The following ITPRID1 variants were observed in gnomAD, a reference collection of about 807,000 sequenced individuals.
ITPRID1 encodes the protein ITPR interacting domain containing 1.
A neutral mutation model predicts 95.4 loss-of-function variants in ITPRID1; 96 were observed. That is an observed-to-expected ratio of 1.01 (90% CI 0.85 to 1.19). The LOEUF (loss-of-function observed/expected upper bound fraction) is 1.19, where lower values mean the gene tolerates loss of function less well. ITPRID1 is among the 50% of genes most tolerant of loss of function. The pLI, the probability that ITPRID1 is intolerant of heterozygous loss-of-function variation, is 0.00. For missense variants in ITPRID1, 1,339 were observed against 1,252.9 expected, an observed-to-expected ratio of 1.07 and a Z score of -1.04; for synonymous variants, 510 against 453.6, an observed-to-expected ratio of 1.12 and a Z score of -1.58.
intron 5 of ITPRID1, among the ~76,000 whole-genome samples, chr7:31,567,412 A>G (rs1465146688): frequency 6.6e-6 from 1 of 152,202 alleles, no homozygotes; most frequent in Non-Finnish European, 1.5e-5. Context: ...TTATGTGATA[A>G]TTCCAATCAG....
At position 31,583,147 on chromosome 7, in the gene ITPRID1, A is replaced by G; in HGVS notation, c.1184A>G (p.Glu395Gly). 6.2e-7 allele frequency: 1 copy of G among 1,611,422 alleles called. No homozygotes were observed. Among genetic ancestry groups the G allele is most frequent in the Non-Finnish European group, 8.5e-7 (1 of 1,177,948 alleles). Residue 395 changes from glutamate to glycine, a missense_variant, in exon 10 of 15, where the codon GAA becomes GGA. Physicochemically the swap from Glu to Gly is moderately conservative, Grantham distance 98. Transcript: ENST00000615280. ...SFEMEEVQSF[E>G]EETGNPLDMT... is the part of the protein sequence containing the mutation. ...TTGATATCTTAGGTCCAAAGCTTTG[A>G]AGAAGAGACTGGTAATCCTCTTGAC...
chr7:31,528,139 A>G (rs1783481698), intron 1 of ITPRID1, among the ~76,000 whole-genome samples: 1 of 152,184 alleles, frequency 6.6e-6, no homozygotes, highest in Non-Finnish European at 1.5e-5. Context: ...ATAGGGTCCT[A>G]TTCTCCTAAT....
At chr7:31,546,136 G>T (rs1468575760) in intron 1 of ITPRID1, among the ~76,000 whole-genome samples, 1 of 152,042 alleles carries the variant, frequency 6.6e-6, no homozygotes, top group Non-Finnish European at 1.5e-5. Context: ...TATGCAAAAA[G>T]AAATTACATT....
chr7:31,620,777 C>T (rs560894882), intron 10 of ITPRID1, among the ~76,000 whole-genome samples: 13 of 152,084 alleles, frequency 8.5e-5, no homozygotes, highest in Admixed American at 1.3e-4. Flanking sequence ...TTTGAGGAGG[C>T]GAGAGAAGAA....
Position 31,652,786 on chromosome 7 carries a change from C to G in ITPRID1, c.3092C>G (p.Ser1031Ter). ...GCAAAGTTAGGTCCAACCCCTTTGTCAAATTGTCCTGTTGGAGAAAAGGAT... is the reference window on the plus strand; with the variant it reads ...GCAAAGTTAGGTCCAACCCCTTTGTGAAATTGTCCTGTTGGAGAAAAGGAT... ...AWAKLGPTPLSNCPVGEKDAD... is the reference protein window; with the variant it reads ...AWAKLGPTPL Residue 1031 changes from serine (S) to a stop codon, truncating the protein, a stop_gained, in exon 15 of 15, where the codon TCA (serine) becomes TGA (stop). Coordinates refer to ENST00000615280, the MANE Select transcript of ITPRID1 (RefSeq NM_001257967.3). LOFTEE classifies it low-confidence loss of function (END_TRUNC). 6.2e-7 allele frequency: 1 copy of G among 1,613,750 alleles called. No homozygotes were observed. The highest frequency in any genetic ancestry group is 2.2e-5 in the East Asian group (1 of 44,838).
intron 10 of ITPRID1, among the ~76,000 whole-genome samples, chr7:31,610,264 T>G (rs1228092379): frequency 6.6e-6 from 1 of 151,486 alleles, no homozygotes; most frequent in Non-Finnish European, 1.5e-5. Context: ...TAGATATTAT[T>G]TTTTTAGGTG....
Position 31,574,595 on chromosome 7 carries a change from C to A in ITPRID1, c.451C>A (p.Leu151Met). Residue 151 changes from leucine to methionine, a missense_variant, in exon 8 of 15, where the codon CTG becomes ATG. By Grantham distance (15) the Leu-to-Met change is conservative. Coordinates refer to ENST00000615280, the MANE Select transcript of ITPRID1 (RefSeq NM_001257967.3). ...EIDPVEILLDLGFGADEPDIC... is the reference protein window; with the variant it reads ...EIDPVEILLDMGFGADEPDIC... Reference sequence around the variant, plus strand: ...AGATCCAGTGGAGATTCTCTTGGATCTGGGGTTTGGTGCTGATGAGCCAGA... The same window carrying A: ...AGATCCAGTGGAGATTCTCTTGGATATGGGGTTTGGTGCTGATGAGCCAGA... 1.2e-6 allele frequency: 2 copies of A among 1,613,890 alleles called. No individual in the cohort carries two copies. Among genetic ancestry groups the A allele is most frequent in the Non-Finnish European group, 1.7e-6 (2 of 1,179,836 alleles).
chr7:31,585,834 CTTT>C (rs561345517), intron 10 of ITPRID1, among the ~76,000 whole-genome samples: 1 of 149,628 alleles, frequency 6.7e-6, no homozygotes, highest in Non-Finnish European at 1.5e-5. Context: ...CATGACAAAT[CTTT>C]TTTTTTTATT....
chr7:31,533,785 G>A lies in ITPRID1; in HGVS notation c.-97-15641G>A, dbSNP rs78439608. On this transcript the variant is annotated intron_variant, in intron 1 of 14. Coordinates refer to ENST00000615280, the MANE Select transcript of ITPRID1 (RefSeq NM_001257967.3). ...TGAGCATTTTTTAGGTACATTAAGT[G>A]TTCCTAATTTAATGTATCTGAATAC... Among the ~76,000 whole-genome samples, 38 of 152,236 alleles carry A rather than the reference G, an allele frequency of 2.5e-4. No individual in the cohort carries two copies. In the East Asian group the frequency reaches 2.7e-3, roughly 11 times the overall value.
intron 10 of ITPRID1, among the ~76,000 whole-genome samples, chr7:31,620,631 A>C (rs895920131): frequency 1.1e-4 from 16 of 150,584 alleles, no homozygotes; most frequent in Non-Finnish European, 2.4e-4. Context: ...ATCAAAGACC[A>C]AAAGTAGATA....
intron 2 of ITPRID1, 70 bp downstream of exon 2, chr7:31,549,569 T>C: frequency 9.0e-7 from 1 of 1,107,776 alleles, no homozygotes; most frequent in South Asian, 1.6e-5. Context: ...TTCATACTCA[T>C]TATAGATATG....
rs1224604262 is a variant in ITPRID1 at position 31,528,712 on chromosome 7, A to G, written c.-98+14592A>G. Among the ~76,000 whole-genome samples, 4 of 152,194 alleles carry G rather than the reference A, an allele frequency of 2.6e-5. 1 individual carries two copies. Among genetic ancestry groups the G allele is most frequent in the African/African-American group, 9.7e-5 (4 of 41,444 alleles). On this transcript the variant is annotated intron_variant, in intron 1 of 14. Transcript: ENST00000615280. Reference sequence around the variant, plus strand: ...CAGCAGAGAAACTTCACGAGCTGTCATAGAGGAAGAGGAAAGAGTTGATGA... The same window carrying G: ...CAGCAGAGAAACTTCACGAGCTGTCGTAGAGGAAGAGGAAAGAGTTGATGA...
chr7:31,520,840 C>G (rs990681750), intron 1 of ITPRID1, among the ~76,000 whole-genome samples: 1 of 151,892 alleles, frequency 6.6e-6, no homozygotes, highest in African/African-American at 2.4e-5. Context: ...TTAAGTTAAA[C>G]ATGAGTTAAT....
chr7:31,586,999 T>A (rs1466693095), intron 10 of ITPRID1, among the ~76,000 whole-genome samples: 11 of 152,202 alleles, frequency 7.2e-5, no homozygotes, highest in Admixed American at 6.5e-4. Context: ...CTTTAATCCA[T>A]CTTAAATTGA....
chr7:31,619,555 T>C (rs968945605), intron 10 of ITPRID1, among the ~76,000 whole-genome samples: 7 of 148,664 alleles, frequency 4.7e-5, no homozygotes, highest in African/African-American at 1.2e-4. Flanking sequence ...CTCATTCATC[T>C]ATGCTGAGGA....
At chr7:31,634,863 A>C (rs2128199419) in intron 10 of ITPRID1, among the ~76,000 whole-genome samples, 1 of 152,314 alleles carries the variant, frequency 6.6e-6, no homozygotes, top group East Asian at 1.9e-4. Context: ...GTAAGGAAGA[A>C]CTGTGGCTCC....
intron 10 of ITPRID1, among the ~76,000 whole-genome samples, chr7:31,612,400 C>T (rs1478539638): frequency 6.6e-6 from 1 of 151,926 alleles, no homozygotes; most frequent in Non-Finnish European, 1.5e-5. Context: ...CATTCTTTCT[C>T]ATTTCTTTGT....
intron 10 of ITPRID1, among the ~76,000 whole-genome samples, chr7:31,610,832 G>T (rs1786833544): frequency 6.6e-6 from 1 of 151,166 alleles, no homozygotes; most frequent in Admixed American, 6.6e-5. Context: ...TATTTTACTT[G>T]GAACCTATGT....
intron 10 of ITPRID1, among the ~76,000 whole-genome samples, chr7:31,602,849 T>C (rs1786453485): frequency 6.6e-6 from 1 of 152,130 alleles, no homozygotes; most frequent in South Asian, 2.1e-4. Flanking sequence ...TTATTTATTT[T>C]GTTCACAAGC....
Sources: gnomAD v4.1 joint callset for allele counts (sites outside exome capture counted in the v4.1 genomes callset) on GRCh38, gnomAD v4.1.1 for gene constraint, MANE v1.5 for transcripts, NCBI Gene and HGNC (gene_info 2026-07-23, HGNC 2026-07-21) for gene names.